KLF12: variants seen among roughly 807,000 people sequenced by gnomAD.
KLF12 encodes the protein Krueppel-like factor 12.
KLF12 carries 9 observed loss-of-function variants against 37.8 expected under a neutral mutation model. That is an observed-to-expected ratio of 0.24 (90% CI 0.14 to 0.42). KLF12 has a LOEUF of 0.42. Ranked by LOEUF, KLF12 falls within the 10% of genes least tolerant of loss-of-function variation. The pLI, the probability that KLF12 is intolerant of heterozygous loss-of-function variation, is 1.00. For synonymous variants in KLF12, 208 were observed against 202.1 expected, an observed-to-expected ratio of 1.03 and a Z score of -0.25; for missense variants, 411 against 516.0, an observed-to-expected ratio of 0.80 and a Z score of 1.97.
intron 4 of KLF12, 52 bp from the exon 5 acceptor site, chr13:73,813,339 A>C: frequency 6.2e-7 from 1 of 1,601,136 alleles, no homozygotes; most frequent in African/African-American, 1.3e-5. Context: ...CAGAAAGTTA[A>C]CCTTGTCCTG....
At chr13:74,174,488 C>T in the KLF12 span, among the ~76,000 whole-genome samples, 1 of 150,918 alleles carries the variant, frequency 6.6e-6, no homozygotes, top group Non-Finnish European at 1.5e-5. Context: ...ATCTGCCCAC[C>T]TCGGCCTCCC....
At chr13:74,267,826 A>C in the KLF12 span, among the ~76,000 whole-genome samples, 1 of 152,220 alleles carries the variant, frequency 6.6e-6, no homozygotes, top group Admixed American at 6.6e-5. Context: ...GCATGTATCA[A>C]AATATCACAT....
chr13:73,892,007 T>C (rs939026365), intron 3 of KLF12, among the ~76,000 whole-genome samples: 2 of 150,308 alleles, frequency 1.3e-5, no homozygotes, highest in African/African-American at 4.8e-5. Flanking sequence ...GACTTGTCTA[T>C]AGCATTCATT....
intron 6 of KLF12, among the ~76,000 whole-genome samples, chr13:73,726,142 C>T (rs1054288257): frequency 6.6e-6 from 1 of 152,078 alleles, no homozygotes; most frequent in Non-Finnish European, 1.5e-5. Context: ...CGTGAGTAAC[C>T]GTGCCCAGCT....
chr13:74,134,556 C>T (rs1041864582), upstream of KLF12, among the ~76,000 whole-genome samples: 4 of 151,788 alleles, frequency 2.6e-5, no homozygotes, highest in Admixed American at 1.3e-4. Flanking sequence ...CCCCTGCCCC[C>T]GCCCTCCGGC....
chr13:74,241,822 C>CA, the KLF12 span, among the ~76,000 whole-genome samples: 6 of 152,172 alleles, frequency 3.9e-5, no homozygotes, highest in Non-Finnish European at 4.4e-5. Context: ...GTGCATGCAC[C>CA]CACTGACCTG....
chr13:73,723,018 T>C (rs992300567), intron 6 of KLF12, among the ~76,000 whole-genome samples: 2 of 152,210 alleles, frequency 1.3e-5, no homozygotes, highest in Non-Finnish European at 2.9e-5. Flanking sequence ...CTTAAAAGTA[T>C]GACAAGCTTT....
At chr13:74,123,006 G>C (rs985208513) in intron 1 of KLF12, among the ~76,000 whole-genome samples, 2 of 141,596 alleles carry the variant, frequency 1.4e-5, no homozygotes, top group Admixed American at 7.1e-5. Context: ...TTCCATACAA[G>C]TATACCCACT....
At chr13:73,824,215 A>C (rs1436122110) in intron 4 of KLF12, among the ~76,000 whole-genome samples, 1 of 152,212 alleles carries the variant, frequency 6.6e-6, no homozygotes, top group Admixed American at 6.5e-5. Flanking sequence ...CCCACACTTC[A>C]CAAGAGTTAC....
intron 2 of KLF12, among the ~76,000 whole-genome samples, chr13:73,948,446 C>T (rs530539864): frequency 1.3e-5 from 2 of 152,218 alleles, no homozygotes; most frequent in Non-Finnish European, 2.9e-5. Context: ...CTCGAACTCC[C>T]GGCCTCAAGT....
chr13:73,938,880 T>C (rs760386271), intron 3 of KLF12, among the ~76,000 whole-genome samples: 1 of 152,168 alleles, frequency 6.6e-6, no homozygotes, highest in Non-Finnish European at 1.5e-5. Context: ...TCTATACTTG[T>C]CTGCGGCAAT....
At chr13:73,836,052 A>AT (rs899185528) in intron 4 of KLF12, among the ~76,000 whole-genome samples, 1 of 151,952 alleles carries the variant, frequency 6.6e-6, no homozygotes, top group Non-Finnish European at 1.5e-5. Context: ...AAAAAAAAAA[A>AT]GGTGAAGCTG....
At chr13:74,177,531 C>A in the KLF12 span, among the ~76,000 whole-genome samples, 1 of 152,078 alleles carries the variant, frequency 6.6e-6, no homozygotes, top group African/African-American at 2.4e-5. Flanking sequence ...TTCTGAAAAA[C>A]CTTACATGAA....
chr13:74,007,885 GAA>G (rs199510691), intron 1 of KLF12, among the ~76,000 whole-genome samples: 1 of 142,040 alleles, frequency 7.0e-6, no homozygotes. Flanking sequence ...CTGGTACATG[GAA>G]AAAAAAAAAC....
the KLF12 span, among the ~76,000 whole-genome samples, chr13:74,173,792 A>T: frequency 1.0e-3 from 159 of 152,312 alleles, no homozygotes; most frequent in African/African-American, 3.5e-3. Context: ...AATACTGAAG[A>T]TGAGTATTGG....
chr13:73,786,893 C>CA (rs1272833851), intron 5 of KLF12, among the ~76,000 whole-genome samples: 2 of 152,074 alleles, frequency 1.3e-5, no homozygotes, highest in Non-Finnish European at 2.9e-5. Flanking sequence ...CCGCTGCACT[C>CA]TAGCTTGGGC....
intron 1 of KLF12, among the ~76,000 whole-genome samples, chr13:74,125,337 A>G (rs1877883902): frequency 6.6e-6 from 1 of 152,138 alleles, no homozygotes; most frequent in Admixed American, 6.5e-5. Context: ...TAAACAACTT[A>G]CAGCACTTGG....
chr13:73,987,650 G>C lies in KLF12; in HGVS notation c.33+7340C>G, dbSNP rs569880168. The stretch of plus-strand genomic sequence containing the variant: ...GAGAGGCAGAGAGAAAGTGGGGGGA[G>C]AGGAAGTGAGGGGAAGAGAGGAAAT... On this transcript the variant is annotated intron_variant, in intron 2 of 7. Transcript: ENST00000377669. Among the ~76,000 whole-genome samples the C allele has an allele frequency of 5.6e-5, 8 of 143,324 alleles. No homozygotes were observed. In the South Asian group the frequency reaches 1.9e-3, roughly 34 times the overall value. 94.0% of individuals were successfully genotyped at this position (143,324 alleles called of 152,430 possible). A position where few individuals can be genotyped will look rare whatever the true frequency, so the allele number is the denominator to read the frequency against.
chr13:74,072,738 T>C (rs1282605849), intron 1 of KLF12, among the ~76,000 whole-genome samples: 1 of 152,102 alleles, frequency 6.6e-6, no homozygotes, highest in East Asian at 1.9e-4. Context: ...CATACATACA[T>C]ACAAAAAATA....
Sources: gnomAD v4.1 joint callset for allele counts (sites outside exome capture counted in the v4.1 genomes callset) on GRCh38, gnomAD v4.1.1 for gene constraint, MANE v1.5 for transcripts, NCBI Gene and HGNC (gene_info 2026-07-23, HGNC 2026-07-21) for gene names.